The following ANKRD12 variants were observed in gnomAD, a reference collection of about 807,000 sequenced individuals.
The protein encoded by ANKRD12 is ankyrin repeat domain-containing protein 12.
ANKRD12 carries 85 observed loss-of-function variants against 183.4 expected under a neutral mutation model. That is an observed-to-expected ratio of 0.46 (90% CI 0.39 to 0.56). The LOEUF (loss-of-function observed/expected upper bound fraction) is 0.56. Among genes scored for constraint, ANKRD12 ranks in the 20% least tolerant of loss-of-function variants. The probability of loss-of-function intolerance (pLI) is 0.00; values close to 1 mark genes in which losing one functional copy is unlikely to be tolerated. For synonymous variants in ANKRD12, 914 were observed against 800.2 expected (o/e 1.14, Z -2.40); for missense variants, 2,405 against 2,357.1 (o/e 1.02, Z -0.42).
Position 9,204,533 on chromosome 18 carries a change from G to A in ANKRD12, c.293G>A (p.Arg98Lys). The A allele has an allele frequency of 6.3e-7, 1 of 1,590,428 alleles. No homozygotes were observed. Among genetic ancestry groups the A allele is most frequent in the Non-Finnish European group, 8.6e-7 (1 of 1,165,248 alleles). ...NWGERLISSYRTYSEKEGPEK... is the reference protein window; with the variant it reads ...NWGERLISSYKTYSEKEGPEK... ...GGGGAGAGACTTATATCTTCTTACAGGACATACTCAGGTAATTAGATTATC... is the reference window on the plus strand; with the variant it reads ...GGGGAGAGACTTATATCTTCTTACAAGACATACTCAGGTAATTAGATTATC... The change falls in exon 4 of 13, where the codon AGG becomes AAG. Residue 98 changes from arginine (R) to lysine (K), a missense_variant. By Grantham distance (26) the Arg-to-Lys change is conservative (BLOSUM62 2). This residue lies in a region of ANKRD12 where 145 missense variants were observed against 145.6 expected (regional missense o/e 1.00). Coordinates refer to ENST00000262126, the MANE Select transcript of ANKRD12 (RefSeq NM_015208.5).
chr18:9,157,603 A>ATT (rs560783016), intron 1 of ANKRD12, among the ~76,000 whole-genome samples: 4 of 84,642 alleles, frequency 4.7e-5, no homozygotes, highest in Admixed American at 1.5e-4. Flanking sequence ...ATATATATGT[A>ATT]TTTTTTTTTT....
At chr18:9,198,436 GC>G (rs1429605091) in intron 3 of ANKRD12, among the ~76,000 whole-genome samples, 3 of 152,170 alleles carry the variant, frequency 2.0e-5, no homozygotes, top group African/African-American at 7.2e-5. Flanking sequence ...ATAGGAATTT[GC>G]TTTAGTGGGT....
intron 1 of ANKRD12, among the ~76,000 whole-genome samples, chr18:9,152,278 C>A (rs2078708271): frequency 6.6e-6 from 1 of 152,160 alleles, no homozygotes; most frequent in African/African-American, 2.4e-5. Context: ...GAAGTTGAAG[C>A]TTTATCCTAT....
At chr18:9,212,807 GA>G (rs1413009861) in intron 6 of ANKRD12, among the ~76,000 whole-genome samples, 3 of 151,780 alleles carry the variant, frequency 2.0e-5, no homozygotes, top group Non-Finnish European at 4.4e-5. Context: ...TCTGAAGAAT[GA>G]AAAAAATCTT....
chr18:9,269,301 C>T (rs1486847054), intron 10 of ANKRD12, among the ~76,000 whole-genome samples: 2 of 152,152 alleles, frequency 1.3e-5, no homozygotes, highest in Admixed American at 1.3e-4. Context: ...AAAAAGACCT[C>T]GCATTGCCAA....
rs576020912 is a variant in ANKRD12 at position 9,226,908 on chromosome 18, T to C, written c.943+4909T>C. On this transcript the variant is annotated intron_variant, in intron 8 of 12. Coordinates refer to ENST00000262126, the MANE Select transcript of ANKRD12 (RefSeq NM_015208.5). ...GAAACCAATAAAGGCAGTAGAAATA[T>C]GCCAGATTATCCGCAGAGATGGTAA... 1.1e-4 allele frequency among the ~76,000 whole-genome samples: 16 copies of C among 152,262 alleles called. No homozygotes were observed. The South Asian group carries it at 3.3e-3, about 32-fold the overall frequency.
chr18:9,191,511 C>T (rs559982984), intron 2 of ANKRD12, among the ~76,000 whole-genome samples: 18 of 151,966 alleles, frequency 1.2e-4, no homozygotes, highest in African/African-American at 4.3e-4. Context: ...TGGCACAGAC[C>T]TGTATCTTAT....
At position 9,258,532 on chromosome 18, in the gene ANKRD12, A is replaced by G. The variant is rs751122336; in HGVS notation, c.5265A>G (p.Thr1755=). The G allele has an allele frequency of 3.1e-6, 5 of 1,613,826 alleles. No individual in the cohort carries two copies. In the East Asian group the frequency reaches 6.7e-5, roughly 22 times the overall value. Residue 1755 remains threonine (T), a synonymous_variant, in exon 9 of 13, where the codon ACA becomes ACG. Transcript: ENST00000262126. ...GCAAACAGATTCTTGCTAGCTGTAC[A>G]CTATTATCAGAAAAAGACAGTGAAT... ...NQSKQILASC[T]LLSEKDSESS...
intron 8 of ANKRD12, among the ~76,000 whole-genome samples, chr18:9,246,961 T>TAC (rs10648690): frequency 0.11 from 16,770 of 152,192 alleles, 1,080 homozygotes; most frequent in African/African-American, 0.16. Context: ...GGCTGATTGT[T>TAC]ACTGAGTATA....
chr18:9,165,532 G>A (rs545827418), intron 1 of ANKRD12, among the ~76,000 whole-genome samples: 1 of 152,084 alleles, frequency 6.6e-6, no homozygotes, highest in Non-Finnish European at 1.5e-5. Context: ...CTGAGCCCCT[G>A]GCAACCACCA....
intron 10 of ANKRD12, among the ~76,000 whole-genome samples, chr18:9,271,459 C>T (rs1307970804): frequency 6.6e-6 from 1 of 152,000 alleles, no homozygotes; most frequent in Admixed American, 6.5e-5. Flanking sequence ...GCGGAGGTTG[C>T]AGTGAGCCGA....
chr18:9,258,604 T>C lies in ANKRD12; in HGVS notation c.5337T>C (p.Pro1779=). 6.2e-7 allele frequency: 1 copy of C among 1,613,900 alleles called. No individual in the cohort carries two copies. The highest frequency in any genetic ancestry group is 8.5e-7 in the Non-Finnish European group (1 of 1,179,924). ...TAAGATTAACTGAAGATGACGATCC[T>C]CAAATTCACCATCCACGGAAAAGGA... ...GRIRLTEDDD[P]QIHHPRKRKV... is the part of the protein sequence containing the mutation. Residue 1779 remains proline (P), a synonymous_variant, in exon 9 of 13, where the codon CCT becomes CCC. Transcript: ENST00000262126.
chr18:9,247,477 TA>T (rs917665689), intron 8 of ANKRD12, among the ~76,000 whole-genome samples: 1 of 151,840 alleles, frequency 6.6e-6, no homozygotes, highest in Non-Finnish European at 1.5e-5. Flanking sequence ...AGACCCTATC[TA>T]AAAAAAAATT....
chr18:9,153,149 ATTAT>A (rs1448151487), intron 1 of ANKRD12, among the ~76,000 whole-genome samples: 1 of 152,158 alleles, frequency 6.6e-6, no homozygotes, highest in African/African-American at 2.4e-5. Context: ...ATTTATTTCT[ATTAT>A]TTGAGTGCCT....
intron 10 of ANKRD12, among the ~76,000 whole-genome samples, chr18:9,266,409 G>A (rs1035039041): frequency 2.0e-5 from 3 of 152,246 alleles, no homozygotes; most frequent in South Asian, 2.1e-4. Flanking sequence ...CAGATTAACA[G>A]CTGATCTCTC....
chr18:9,247,044 T>A lies in ANKRD12; in HGVS notation c.944-7167T>A, dbSNP rs1470460425. 2.0e-5 allele frequency among the ~76,000 whole-genome samples: 3 copies of A among 152,206 alleles called. 1 individual carries two copies. On this transcript the variant is annotated intron_variant, in intron 8 of 12. Transcript: ENST00000262126. ...TGAATTTTGTATACATTTATTTGAT[T>A]TAATTACACCTATTTTGAAGTGTGC...
At chr18:9,174,790 C>T (rs1395662397) in intron 1 of ANKRD12, among the ~76,000 whole-genome samples, 1 of 152,188 alleles carries the variant, frequency 6.6e-6, no homozygotes, top group African/African-American at 2.4e-5. Context: ...TTCTAATCGG[C>T]TATCTTGGCC....
At chr18:9,244,066 G>A (rs544867658) in intron 8 of ANKRD12, among the ~76,000 whole-genome samples, 2 of 152,274 alleles carry the variant, frequency 1.3e-5, no homozygotes, top group Admixed American at 6.5e-5. Flanking sequence ...CCTGGGAGGC[G>A]GAGGTTACAG....
intron 10 of ANKRD12, among the ~76,000 whole-genome samples, chr18:9,271,698 A>T (rs1179856207): frequency 6.6e-6 from 1 of 152,212 alleles, no homozygotes; most frequent in African/African-American, 2.4e-5. Flanking sequence ...ATTTGGGAGG[A>T]TATCAGTACA....
Sources: allele counts gnomAD v4.1 joint callset (sites outside exome capture counted in the v4.1 genomes callset), GRCh38; gene constraint gnomAD v4.1.1; regional missense constraint gnomAD v4.1.1; transcripts MANE v1.5; gene names NCBI Gene and HGNC (gene_info 2026-07-23, HGNC 2026-07-21).